The following FGGY variants were observed in gnomAD, a reference collection of about 807,000 sequenced individuals.
The protein encoded by FGGY is FGGY carbohydrate kinase domain-containing protein.
Under a neutral mutation model 71.3 loss-of-function variants are expected in FGGY, and 72 were observed. The ratio of observed to expected loss-of-function variants is 1.01; its 90% CI spans 0.84 to 1.23. The LOEUF is 1.23. Among genes scored for constraint, FGGY ranks in the 50% most tolerant of loss-of-function variants. The pLI, the probability that FGGY is intolerant of heterozygous loss-of-function variation, is 0.00. For synonymous variants in FGGY, 251 were observed against 250.3 expected (o/e 1.00, Z -0.02); for missense variants, 668 against 682.3 (o/e 0.98, Z 0.23).
intron 4 of FGGY, among the ~76,000 whole-genome samples, chr1:59,364,204 A>G (rs1007874494): frequency 2.0e-5 from 3 of 152,082 alleles, no homozygotes; most frequent in Non-Finnish European, 2.9e-5. Context: ...CCCCCTCTCC[A>G]TTGGTACTTG....
chr1:59,328,260 C>T (rs2047788656), intron 2 of FGGY, among the ~76,000 whole-genome samples: 2 of 152,118 alleles, frequency 1.3e-5, no homozygotes, highest in African/African-American at 4.8e-5. Flanking sequence ...ATTGTCTTAC[C>T]CAAATCATCT....
intron 5 of FGGY, among the ~76,000 whole-genome samples, chr1:59,403,831 T>G (rs1009752522): frequency 4.6e-5 from 7 of 152,178 alleles, no homozygotes; most frequent in African/African-American, 1.7e-4. Flanking sequence ...CCTCTCTGCT[T>G]CACACCTCTG....
At chr1:59,588,425 A>T (rs1398106055) in intron 8 of FGGY, among the ~76,000 whole-genome samples, 2 of 151,954 alleles carry the variant, frequency 1.3e-5, no homozygotes, top group Non-Finnish European at 2.9e-5. Context: ...CAACGTTCAG[A>T]TTCAGGAAAT....
At chr1:59,593,568 T>A (rs913408797) in intron 8 of FGGY, among the ~76,000 whole-genome samples, 3 of 152,224 alleles carry the variant, frequency 2.0e-5, no homozygotes, top group African/African-American at 7.2e-5. Flanking sequence ...AAATCCACTG[T>A]CTTTTCATCA....
intron 14 of FGGY, among the ~76,000 whole-genome samples, chr1:59,743,400 A>C (rs2098166824): frequency 6.6e-6 from 1 of 152,158 alleles, no homozygotes; most frequent in Non-Finnish European, 1.5e-5. Flanking sequence ...TGCCTCCTCT[A>C]TCCATATTGT....
chr1:59,733,834 G>T (rs748370001), intron 14 of FGGY, among the ~76,000 whole-genome samples: 12 of 152,216 alleles, frequency 7.9e-5, no homozygotes, highest in Non-Finnish European at 1.8e-4. Flanking sequence ...AGAAATCTAA[G>T]AGTTACTTCT....
chr1:59,609,499 T>G (rs1379575492), intron 9 of FGGY, among the ~76,000 whole-genome samples: 1 of 152,180 alleles, frequency 6.6e-6, no homozygotes, highest in African/African-American at 2.4e-5. Flanking sequence ...ACAGTAATAA[T>G]GATGACTGGG....
intron 15 of FGGY, among the ~76,000 whole-genome samples, chr1:59,761,154 A>G (rs1444632543): frequency 6.6e-6 from 1 of 152,188 alleles, no homozygotes. Flanking sequence ...CCATTTACAG[A>G]TGGAGAAATT....
intron 6 of FGGY, among the ~76,000 whole-genome samples, chr1:59,467,745 C>T (rs116031094): frequency 8.5e-5 from 13 of 152,196 alleles, no homozygotes; most frequent in Admixed American, 2.6e-4. Flanking sequence ...TGAGACTGTA[C>T]TTTGGGTGTC....
chr1:59,583,428 A>G lies in FGGY; in HGVS notation c.904-24375A>G, dbSNP rs186840541. Among the ~76,000 whole-genome samples the G allele has an allele frequency of 3.5e-5, 5 of 143,842 alleles. 1 individual carries two copies. Among genetic ancestry groups the G allele is most frequent in the Non-Finnish European group, 4.5e-5 (3 of 66,548 alleles). The allele number at this position is 143,842 out of a possible 152,430, so 94.4% of individuals were successfully genotyped here. On this transcript the variant is annotated intron_variant, in intron 8 of 15. Transcript: ENST00000303721. ...GACACTTTCAATCTAGGTAAACTTG[A>G]ATAATTCATTTGATATTTCAGAGGC...
chr1:59,690,504 C>T (rs116723316), intron 14 of FGGY, among the ~76,000 whole-genome samples: 6 of 152,282 alleles, frequency 3.9e-5, no homozygotes, highest in Non-Finnish European at 5.9e-5. Context: ...TTGGGAAACT[C>T]ATCTTGGTGA....
chr1:59,383,053 A>T (rs2059659957), intron 5 of FGGY, among the ~76,000 whole-genome samples: 1 of 152,162 alleles, frequency 6.6e-6, no homozygotes, highest in Non-Finnish European at 1.5e-5. Context: ...ACCTTGGGCA[A>T]GTCTCTTCCC....
At chr1:59,401,069 A>G (rs1209199620) in intron 5 of FGGY, among the ~76,000 whole-genome samples, 1 of 152,218 alleles carries the variant, frequency 6.6e-6, no homozygotes, top group Admixed American at 6.5e-5. Context: ...ATAAAAATTC[A>G]TAGTCTCAAA....
At chr1:59,381,111 G>T (rs1362605391) in intron 5 of FGGY, among the ~76,000 whole-genome samples, 3 of 152,068 alleles carry the variant, frequency 2.0e-5, no homozygotes, top group Non-Finnish European at 4.4e-5. Context: ...TAGATATGTG[G>T]CATTATTTCT....
At chr1:59,324,470 G>T (rs1027683193) in intron 2 of FGGY, among the ~76,000 whole-genome samples, 108 of 150,958 alleles carry the variant, frequency 7.2e-4, no homozygotes, top group African/African-American at 2.6e-3. Flanking sequence ...TAGAGACGGG[G>T]TTTCACCGTT....
intron 5 of FGGY, among the ~76,000 whole-genome samples, chr1:59,385,482 C>G (rs887137100): frequency 6.6e-6 from 1 of 152,098 alleles, no homozygotes; most frequent in African/African-American, 2.4e-5. Context: ...GTGTCATTAC[C>G]GCTTTGCAAT....
chr1:59,579,549 T>A (rs2096149164), intron 8 of FGGY, among the ~76,000 whole-genome samples: 1 of 152,184 alleles, frequency 6.6e-6, no homozygotes, highest in African/African-American at 2.4e-5. Flanking sequence ...ATTCTATTCA[T>A]ACACTTGCCT....
intron 2 of FGGY, among the ~76,000 whole-genome samples, chr1:59,325,125 G>A (rs371863671): frequency 1.3e-5 from 2 of 152,248 alleles, no homozygotes; most frequent in Admixed American, 6.5e-5. Flanking sequence ...AGGCCAAGGC[G>A]GGCGGATCAC....
intron 6 of FGGY, among the ~76,000 whole-genome samples, chr1:59,461,095 C>A (rs1325248938): frequency 6.6e-6 from 1 of 152,178 alleles, no homozygotes; most frequent in African/African-American, 2.4e-5. Context: ...AAGTAGGCTT[C>A]AGAAGGTCGG....
Sources: gnomAD v4.1 joint callset for allele counts (sites outside exome capture counted in the v4.1 genomes callset) on GRCh38, gnomAD v4.1.1 for gene constraint, MANE v1.5 for transcripts, NCBI Gene and HGNC (gene_info 2026-07-23, HGNC 2026-07-21) for gene names.